Variants in SRGAP1 observed in about 807,000 individuals in gnomAD.
SRGAP1 encodes the protein SLIT-ROBO Rho GTPase-activating protein 1.
In SRGAP1, 43 loss-of-function variants were observed where a neutral mutation model predicts 121.9. The observed-to-expected ratio is 0.35, with a 90% CI of 0.28 to 0.46. SRGAP1 has a LOEUF of 0.46. Among genes scored for constraint, SRGAP1 ranks in the 20% least tolerant of loss-of-function variants. The pLI is 1.00. For synonymous variants in SRGAP1, 447 were observed against 485.4 expected (o/e 0.92, Z 1.04); for missense variants, 1,102 against 1,350.9 (o/e 0.82, Z 2.89).
chr12:63,898,177 C>T (rs1900816518), intron 1 of SRGAP1, among the ~76,000 whole-genome samples: 1 of 152,196 alleles, frequency 6.6e-6, no homozygotes, highest in Non-Finnish European at 1.5e-5. Context: ...GAGCATGACG[C>T]AAACTTGCAG....
intron 3 of SRGAP1, among the ~76,000 whole-genome samples, chr12:63,992,638 G>T (rs1036128250): frequency 6.8e-6 from 1 of 147,826 alleles, no homozygotes; most frequent in Admixed American, 6.8e-5. Flanking sequence ...CTTGAGGAAT[G>T]GCCTGGAGAA....
chr12:63,996,793 C>T (rs1164607105), intron 3 of SRGAP1, among the ~76,000 whole-genome samples: 1 of 152,074 alleles, frequency 6.6e-6, no homozygotes, highest in African/African-American at 2.4e-5. Flanking sequence ...ATAGTTCAAG[C>T]TAACACTGCT....
chr12:63,861,286 G>T (rs974716009), intron 1 of SRGAP1, among the ~76,000 whole-genome samples: 12 of 126,088 alleles, frequency 9.5e-5, no homozygotes, highest in African/African-American at 3.6e-4. Context: ...GGGATGGTAG[G>T]CATATATATA....
chr12:64,092,290 A>G (rs145220394), intron 12 of SRGAP1, among the ~76,000 whole-genome samples: 195 of 152,292 alleles, frequency 1.3e-3, no homozygotes, highest in African/African-American at 4.3e-3. Context: ...TGTAGTTCAC[A>G]TTTTATGGCA....
chr12:63,922,194 G>T (rs943123487), intron 1 of SRGAP1, among the ~76,000 whole-genome samples: 1 of 152,040 alleles, frequency 6.6e-6, no homozygotes, highest in African/African-American at 2.4e-5. Flanking sequence ...GGCCAGGCTG[G>T]TCTTGTAATC....
chr12:63,998,213 G>A (rs954135754), intron 3 of SRGAP1, among the ~76,000 whole-genome samples: 3 of 152,172 alleles, frequency 2.0e-5, no homozygotes, highest in African/African-American at 7.2e-5. Flanking sequence ...CACAGAGTAG[G>A]TGCTCAGTAA....
intron 1 of SRGAP1, among the ~76,000 whole-genome samples, chr12:63,932,551 T>A (rs949332260): frequency 1.3e-5 from 2 of 152,204 alleles, no homozygotes; most frequent in Admixed American, 6.5e-5. Context: ...ATTCTTTTCA[T>A]GAATGAATGA....
chr12:63,949,717 C>A lies in SRGAP1; in HGVS notation c.68-34230C>A, dbSNP rs566748993. Among the ~76,000 whole-genome samples the A allele has an allele frequency of 5.3e-4, 80 of 152,122 alleles. No individual in the cohort carries two copies. The South Asian group carries it at 7.5e-3, about 14-fold the overall frequency. On this transcript the variant is annotated intron_variant, in intron 1 of 21. Transcript: ENST00000355086. ...GACATTTTTATTTTTAAGGATACAA[C>A]GTATTGTAGAAATGCGGTAGAGCAC...
chr12:63,954,382 T>C (rs2032391219), intron 1 of SRGAP1, among the ~76,000 whole-genome samples: 1 of 152,104 alleles, frequency 6.6e-6, no homozygotes, highest in African/African-American at 2.4e-5. Context: ...ATCTTTCTCA[T>C]TAAAAAGAAA....
At chr12:63,907,189 A>G (rs1386415894) in intron 1 of SRGAP1, among the ~76,000 whole-genome samples, 7 of 152,120 alleles carry the variant, frequency 4.6e-5, no homozygotes, top group Admixed American at 4.6e-4. Context: ...TCATGTACTT[A>G]TGGCCATTTG....
chr12:63,868,069 T>A (rs1565927681), intron 1 of SRGAP1, among the ~76,000 whole-genome samples: 2 of 103,518 alleles, frequency 1.9e-5, no homozygotes, highest in Admixed American at 1.1e-4. Context: ...TTTTTTTTTT[T>A]TTTTTTTTTG....
chr12:63,990,398 G>A (rs1453927512), intron 3 of SRGAP1, among the ~76,000 whole-genome samples: 2 of 152,086 alleles, frequency 1.3e-5, no homozygotes, highest in African/African-American at 4.8e-5. Flanking sequence ...TGGGCGTGGT[G>A]GCGCTTGCCT....
At chr12:64,016,204 G>A (rs569461193) in intron 3 of SRGAP1, among the ~76,000 whole-genome samples, 2 of 152,258 alleles carry the variant, frequency 1.3e-5, no homozygotes, top group African/African-American at 4.8e-5. Flanking sequence ...CCAGCACTTT[G>A]GGAGACTGAG....
chr12:63,857,765 T>G (rs1328444599), intron 1 of SRGAP1, among the ~76,000 whole-genome samples: 1 of 152,234 alleles, frequency 6.6e-6, no homozygotes, highest in African/African-American at 2.4e-5. Context: ...AAACACTCAT[T>G]ATTTATAAAT....
intron 17 of SRGAP1, among the ~76,000 whole-genome samples, chr12:64,113,118 A>G (rs553147326): frequency 5.3e-5 from 8 of 151,954 alleles, no homozygotes; most frequent in Non-Finnish European, 8.8e-5. Context: ...AAGAAGAAAA[A>G]AAAAAAAGGC....
At chr12:63,920,227 T>G (rs2030986459) in intron 1 of SRGAP1, among the ~76,000 whole-genome samples, 1 of 152,234 alleles carries the variant, frequency 6.6e-6, no homozygotes, top group South Asian at 2.1e-4. Flanking sequence ...GTGGTCTTCA[T>G]TGACATTTCC....
chr12:63,885,525 A>G (rs1322778773), intron 1 of SRGAP1, among the ~76,000 whole-genome samples: 1 of 152,214 alleles, frequency 6.6e-6, no homozygotes, highest in Non-Finnish European at 1.5e-5. Flanking sequence ...TGATTGAACA[A>G]AAAGGGTATG....
intron 1 of SRGAP1, among the ~76,000 whole-genome samples, chr12:63,955,666 T>C (rs1354867762): frequency 6.6e-6 from 1 of 151,992 alleles, no homozygotes; most frequent in Non-Finnish European, 1.5e-5. Context: ...TCAGGTACTG[T>C]ATTGACTAAT....
chr12:63,919,686 C>A (rs896995050), intron 1 of SRGAP1, among the ~76,000 whole-genome samples: 2 of 151,754 alleles, frequency 1.3e-5, no homozygotes, highest in African/African-American at 4.8e-5. Context: ...GCAACTACTT[C>A]CTAATTTTTT....
Sources: allele counts gnomAD v4.1 joint callset (sites outside exome capture counted in the v4.1 genomes callset), GRCh38; gene constraint gnomAD v4.1.1; transcripts MANE v1.5; gene names NCBI Gene and HGNC (gene_info 2026-07-23, HGNC 2026-07-21).